Variants in COLEC12 observed in about 807,000 individuals in gnomAD.
The protein encoded by COLEC12 is collectin-12.
Under a neutral mutation model 71.1 loss-of-function variants are expected in COLEC12, and 33 were observed. That is an observed-to-expected ratio of 0.46 (90% CI 0.35 to 0.62). COLEC12 has a LOEUF of 0.62. Among genes scored for constraint, COLEC12 ranks in the 20% least tolerant of loss-of-function variants. The pLI is 0.00. For missense variants in COLEC12, 765 were observed against 916.1 expected (o/e 0.84, Z 2.13); for synonymous variants, 350 against 353.0 (o/e 0.99, Z 0.10).
At chr18:486,329 C>T (rs767556346) in intron 1 of COLEC12, among the ~76,000 whole-genome samples, 3 of 152,110 alleles carry the variant, frequency 2.0e-5, no homozygotes, top group South Asian at 2.1e-4. Context: ...GGATTACAGG[C>T]CTGCGCCATT....
rs117649231 is a variant in COLEC12 at position 426,222 on chromosome 18, A to G, written c.58+54485T>C. Reference sequence around the variant, plus strand: ...AAAACATTCCTAGGATGTAATTAAGAAACGAGCAATAATACACACTGTGTA... The same window carrying G: ...AAAACATTCCTAGGATGTAATTAAGGAACGAGCAATAATACACACTGTGTA... On this transcript the variant is annotated intron_variant, in intron 2 of 9. Coordinates refer to ENST00000400256, the MANE Select transcript of COLEC12 (RefSeq NM_130386.3). Among the ~76,000 whole-genome samples, 9 of 152,358 alleles carry G rather than the reference A, an allele frequency of 5.9e-5. No individual in the cohort carries two copies. The East Asian group carries it at 1.7e-3, about 29-fold the overall frequency.
chr18:450,481 T>C (rs1916739111), intron 2 of COLEC12, among the ~76,000 whole-genome samples: 2 of 152,222 alleles, frequency 1.3e-5, no homozygotes, highest in South Asian at 4.1e-4. Flanking sequence ...GCCATTAAGA[T>C]GTGCCTGCTT....
At position 488,507 on chromosome 18, in the gene COLEC12, A is replaced by G. The variant is rs573409800; in HGVS notation, c.8-7750T>C. On this transcript the variant is annotated intron_variant, in intron 1 of 9. Transcript: ENST00000400256. Reference sequence around the variant, plus strand: ...CTGGAAGATGGAGTCAAAATATTACAGAAAGTAGAATAAAGGCATATAAAT... The same window carrying G: ...CTGGAAGATGGAGTCAAAATATTACGGAAAGTAGAATAAAGGCATATAAAT... Among the ~76,000 whole-genome samples the G allele has an allele frequency of 9.5e-4, 145 of 152,328 alleles. 1 individual carries two copies. The South Asian group carries it at 0.029, about 30-fold the overall frequency.
rs57372601 is a variant in COLEC12, at chr18:408,612, A to G, written c.59-51090T>C. Among the ~76,000 whole-genome samples the G allele has an allele frequency of 4.3e-5, 2 of 46,744 alleles. No individual in the cohort carries two copies. The highest frequency in any genetic ancestry group is 1.1e-4 in the African/African-American group (2 of 18,808). The allele number at this position is 46,744 out of a possible 152,430, so 30.7% of individuals were successfully genotyped here. A position where few individuals can be genotyped will look rare whatever the true frequency, so the allele number is the denominator to read the frequency against. ...GTATTACCAAATATTGAGAAAAAGG[A>G]AAAAAAAAAAAGACAGGAAAATAAA... is the stretch of plus-strand genomic sequence containing the variant. On this transcript the variant is annotated intron_variant, in intron 2 of 9. Transcript: ENST00000400256. The surrounding 1 kb of genome is among the most constrained non-coding windows in gnomAD (Gnocchi z 4.3).
chr18:406,073 G>A (rs140622176), intron 2 of COLEC12, among the ~76,000 whole-genome samples: 47 of 152,192 alleles, frequency 3.1e-4, no homozygotes, highest in Middle Eastern at 3.4e-3. Context: ...ACCCCTGGTC[G>A]TCCTCACTGC....
chr18:331,598 G>C (rs1913982394), intron 8 of COLEC12, 70 bp downstream of exon 8: 5 of 987,546 alleles, frequency 5.1e-6, no homozygotes, highest in Non-Finnish European at 8.1e-6. Context: ...AAACTGTTGG[G>C]AGTCGGGCAA....
intron 2 of COLEC12, among the ~76,000 whole-genome samples, chr18:418,424 C>A (rs760870995): frequency 2.6e-5 from 4 of 152,130 alleles, no homozygotes; most frequent in Non-Finnish European, 5.9e-5. Flanking sequence ...TAACTCAATC[C>A]TGGGTCTGTC....
intron 2 of COLEC12, among the ~76,000 whole-genome samples, chr18:436,917 T>A (rs1916418604): frequency 6.6e-6 from 1 of 152,228 alleles, no homozygotes; most frequent in African/African-American, 2.4e-5. Flanking sequence ...ATCTGTTAAT[T>A]AATTGATTTT....
chr18:370,296 T>G (rs1446714736), intron 2 of COLEC12, among the ~76,000 whole-genome samples: 1 of 152,174 alleles, frequency 6.6e-6, no homozygotes, highest in Non-Finnish European at 1.5e-5. Context: ...ATATGAAATT[T>G]TTATGGTATA....
At chr18:453,748 T>C (rs1477928131) in intron 2 of COLEC12, among the ~76,000 whole-genome samples, 2 of 152,214 alleles carry the variant, frequency 1.3e-5, no homozygotes, top group East Asian at 3.9e-4. Flanking sequence ...GAATGTATAA[T>C]AAGCATCGCA....
At chr18:323,671 C>T (rs563223053) in intron 8 of COLEC12, among the ~76,000 whole-genome samples, 3 of 152,296 alleles carry the variant, frequency 2.0e-5, no homozygotes, top group Admixed American at 6.5e-5. Context: ...ACATACATTT[C>T]GTTCATTTCT....
Position 362,637 on chromosome 18 carries a change from G to A in COLEC12, c.59-5115C>T, listed in dbSNP as rs1471467773. On this transcript the variant is annotated intron_variant, in intron 2 of 9. Transcript: ENST00000400256. The surrounding 1 kb of genome is among the most constrained non-coding windows in gnomAD (Gnocchi z 4.6). ...GGGGACTGATATACAGAGTGCTGCA[G>A]AGGAGAGATTTCAGTTCAGGAAGTG... 6.6e-6 allele frequency among the ~76,000 whole-genome samples: 1 copy of A among 152,176 alleles called. No homozygotes were observed. Among genetic ancestry groups the A allele is most frequent in the African/African-American group, 2.4e-5 (1 of 41,444 alleles).
chr18:420,160 A>G (rs1212527861), intron 2 of COLEC12, among the ~76,000 whole-genome samples: 5 of 152,168 alleles, frequency 3.3e-5, no homozygotes, highest in Non-Finnish European at 7.3e-5. Flanking sequence ...ACAGGACCAG[A>G]GCAATAATAA....
In COLEC12 at chr18:420,250, T is replaced by C. The variant is rs765441956; in HGVS notation, c.58+60457A>G. Reference sequence around the variant, plus strand: ...AGATAACTGGAAAATCATCCAAACATGAGATGATAAAATGTTTGATGGCAA... The same window carrying C: ...AGATAACTGGAAAATCATCCAAACACGAGATGATAAAATGTTTGATGGCAA... On this transcript the variant is annotated intron_variant, in intron 2 of 9. Coordinates refer to ENST00000400256, the MANE Select transcript of COLEC12 (RefSeq NM_130386.3). Among the ~76,000 whole-genome samples, 96 of 152,252 alleles carry C rather than the reference T, an allele frequency of 6.3e-4. 1 individual carries two copies. In the Middle Eastern group the frequency reaches 0.01, roughly 16 times the overall value.
At chr18:372,400 A>G (rs1196901129) in intron 2 of COLEC12, among the ~76,000 whole-genome samples, 1 of 152,128 alleles carries the variant, frequency 6.6e-6, no homozygotes, top group Non-Finnish European at 1.5e-5. Flanking sequence ...TTTGGAGGGT[A>G]TAACTGAAAG....
Position 389,576 on chromosome 18 carries a change from GC to G in COLEC12, c.59-32055del, listed in dbSNP as rs371196109. On this transcript the variant is annotated intron_variant, in intron 2 of 9. Coordinates refer to ENST00000400256, the MANE Select transcript of COLEC12 (RefSeq NM_130386.3). Reference sequence around the variant, plus strand: ...TACTATGCATGAGCCACCGAGCCCAGCCCACTGTGCAGCAATTTTTTTAAAA... The same window carrying G: ...TACTATGCATGAGCCACCGAGCCCAGCCACTGTGCAGCAATTTTTTTAAAA... Among the ~76,000 whole-genome samples the G allele has an allele frequency of 5.1e-3, 769 of 151,582 alleles. 1 individual carries two copies. Among genetic ancestry groups the G allele is most frequent in the Non-Finnish European group, 8.5e-3 (579 of 67,860 alleles).
chr18:406,353 C>A (rs1030269232), intron 2 of COLEC12, among the ~76,000 whole-genome samples: 1 of 151,610 alleles, frequency 6.6e-6, no homozygotes, highest in Non-Finnish European at 1.5e-5. Flanking sequence ...ACTAAAAATA[C>A]AAAAAATTAG....
intron 1 of COLEC12, among the ~76,000 whole-genome samples, chr18:482,277 C>T (rs1355524015): frequency 1.3e-5 from 2 of 152,002 alleles, no homozygotes; most frequent in Non-Finnish European, 2.9e-5. Context: ...CTACCCTCCG[C>T]TAATTTTTGT....
At chr18:405,823 G>A (rs143241654) in intron 2 of COLEC12, among the ~76,000 whole-genome samples, 3,553 of 152,002 alleles carry the variant, frequency 0.023, 51 homozygotes, top group Non-Finnish European at 0.031. Flanking sequence ...CTGGCCTGCC[G>A]TTCATCTGCT....
Sources: allele counts gnomAD v4.1 joint callset (sites outside exome capture counted in the v4.1 genomes callset), GRCh38; gene constraint gnomAD v4.1.1; non-coding constraint Gnocchi (gnomAD v3.1); transcripts MANE v1.5; gene names NCBI Gene and HGNC (gene_info 2026-07-23, HGNC 2026-07-21).